The following HERC3 variants were observed in gnomAD, a reference collection of about 807,000 sequenced individuals.
The protein encoded by HERC3 is probable E3 ubiquitin-protein ligase HERC3.
In HERC3, 58 loss-of-function variants were observed where a neutral mutation model predicts 129.9. The observed-to-expected ratio is 0.45, with a 90% CI of 0.36 to 0.56. The LOEUF is 0.56. Ranked by LOEUF, HERC3 falls within the 20% of genes least tolerant of loss-of-function variation. HERC3 has a pLI of 0.00. For missense variants in HERC3, 835 were observed against 1,244.2 expected (o/e 0.67, Z 4.95); for synonymous variants, 430 against 451.0 (o/e 0.95, Z 0.59).
At chr4:88,535,852 C>T in the HERC3 span, among the ~76,000 whole-genome samples, 2 of 152,236 alleles carry the variant, frequency 1.3e-5, no homozygotes, top group African/African-American at 4.8e-5. Flanking sequence ...AACCACAGCA[C>T]TCCTGAAATC....
At chr4:88,575,875 T>G in the HERC3 span, among the ~76,000 whole-genome samples, 2 of 152,210 alleles carry the variant, frequency 1.3e-5, no homozygotes, top group Non-Finnish European at 2.9e-5. Flanking sequence ...ACTGCCTATT[T>G]TCTTAGGCAG....
Position 88,704,535 on chromosome 4 carries a change from G to A in HERC3, c.2869G>A (p.Ala957Thr), listed in dbSNP as rs375910751. Residue 957 changes from alanine to threonine, a missense_variant, in exon 25 of 26, where the codon GCC becomes ACC. Physicochemically the swap from Ala to Thr is moderately conservative, Grantham distance 58 (BLOSUM62 0). Transcript: ENST00000402738. ...ETAIYKGDYS[A>T]THPTVKLFWE... Reference sequence around the variant, plus strand: ...TGCCATCTACAAGGGAGATTACTCGGCCACACATCCCACTGTAAAACTATT... The same window carrying A: ...TGCCATCTACAAGGGAGATTACTCGACCACACATCCCACTGTAAAACTATT... 3.1e-6 allele frequency: 5 copies of A among 1,611,540 alleles called. No homozygotes were observed. The African/African-American group carries it at 5.3e-5, about 17-fold the overall frequency.
At chr4:88,607,928 A>G (rs1432164225) in intron 3 of HERC3, among the ~76,000 whole-genome samples, 1 of 152,234 alleles carries the variant, frequency 6.6e-6, no homozygotes, top group Non-Finnish European at 1.5e-5. Context: ...TCACACTAGC[A>G]TAGGTGTTTG....
intron 23 of HERC3, chr4:88,692,796 C>T: frequency 1.7e-6 from 1 of 585,848 alleles, no homozygotes; most frequent in Non-Finnish European, 2.1e-6. Flanking sequence ...AGCCAGGATT[C>T]AAAGCCAGGT....
chr4:88,590,133 T>A (rs1721624682), upstream of HERC3, among the ~76,000 whole-genome samples: 1 of 151,528 alleles, frequency 6.6e-6, no homozygotes, highest in Non-Finnish European at 1.5e-5. Context: ...CCGGGTGTGG[T>A]GGTGAGCGCC....
chr4:88,655,800 A>T, intron 8 of HERC3, 75 bp from the exon 9 acceptor site: 1 of 1,441,884 alleles, frequency 6.9e-7, no homozygotes, highest in Non-Finnish European at 9.6e-7. Flanking sequence ...CACATGTGGA[A>T]GTTAAAAGTC....
At chr4:88,635,466 A>G (rs1727274171) in intron 3 of HERC3, among the ~76,000 whole-genome samples, 1 of 152,208 alleles carries the variant, frequency 6.6e-6, no homozygotes, top group Middle Eastern at 3.4e-3. Flanking sequence ...AATAATGAAA[A>G]GGAATGAACA....
At chr4:88,667,668 G>A (rs1731187449) in intron 13 of HERC3, among the ~76,000 whole-genome samples, 180 bp downstream of exon 13, 1 of 152,108 alleles carries the variant, frequency 6.6e-6, no homozygotes, top group Admixed American at 6.6e-5. Flanking sequence ...CCTTTCCAAG[G>A]CAATGCCCCT....
At chr4:88,669,237 G>A (rs1288989167) in intron 14 of HERC3, among the ~76,000 whole-genome samples, 1 of 151,976 alleles carries the variant, frequency 6.6e-6, no homozygotes, top group African/African-American at 2.4e-5. Context: ...TTTATTTTTT[G>A]TTGGAGTATT....
the HERC3 span, among the ~76,000 whole-genome samples, chr4:88,532,417 G>T: frequency 3.9e-5 from 6 of 152,154 alleles, no homozygotes; most frequent in Non-Finnish European, 8.8e-5. Flanking sequence ...GAGGGCAGGG[G>T]AGTATATATG....
intron 11 of HERC3, among the ~76,000 whole-genome samples, chr4:88,663,440 A>G (rs1476303909): frequency 6.6e-6 from 1 of 152,200 alleles, no homozygotes; most frequent in Non-Finnish European, 1.5e-5. Context: ...ACACTTTACC[A>G]TTAGTTCTCT....
the HERC3 span, among the ~76,000 whole-genome samples, chr4:88,549,313 CTTT>C: frequency 7.2e-6 from 1 of 139,800 alleles, no homozygotes; most frequent in African/African-American, 2.8e-5. Flanking sequence ...TTAACAGTAA[CTTT>C]TTTTAAAAAA....
At chr4:88,560,543 C>A in the HERC3 span, among the ~76,000 whole-genome samples, 1 of 152,050 alleles carries the variant, frequency 6.6e-6, no homozygotes, top group African/African-American at 2.4e-5. Context: ...GCTTCTATTT[C>A]TTTTTCCTGA....
At chr4:88,681,428 A>G in intron 21 of HERC3, 103 bp downstream of exon 21, 2 of 999,706 alleles carry the variant, frequency 2.0e-6, no homozygotes, top group Non-Finnish European at 3.0e-6. Context: ...AGTTTATTGC[A>G]TCCTGTGGTT....
At chr4:88,605,732 A>T in intron 2 of HERC3, 63 bp from the exon 3 acceptor site, 1 of 919,450 alleles carries the variant, frequency 1.1e-6, no homozygotes, top group Non-Finnish European at 1.6e-6. Flanking sequence ...TACATTCATT[A>T]CTTGATTTTC....
the HERC3 span, among the ~76,000 whole-genome samples, chr4:88,571,432 T>C: frequency 1.6e-4 from 24 of 152,330 alleles, no homozygotes; most frequent in South Asian, 5.0e-3. Context: ...CTAAACTAAG[T>C]AGCAAAAGAA....
chr4:88,594,523 C>G (rs1722125103), intron 1 of HERC3, among the ~76,000 whole-genome samples: 1 of 152,098 alleles, frequency 6.6e-6, no homozygotes, highest in African/African-American at 2.4e-5. Flanking sequence ...GCCACCTTAC[C>G]CTCCAAAGTA....
intron 16 of HERC3, among the ~76,000 whole-genome samples, chr4:88,674,328 A>T (rs1017911565): frequency 6.6e-6 from 1 of 152,170 alleles, no homozygotes; most frequent in African/African-American, 2.4e-5. Context: ...TGTCTGAAAT[A>T]ACTGCATTAC....
rs901668395 is a variant in HERC3, at chr4:88,634,243, G to A, written c.227-15597G>A. 5.3e-5 allele frequency among the ~76,000 whole-genome samples: 8 copies of A among 152,190 alleles called. No individual in the cohort carries two copies. The South Asian group carries it at 6.2e-4, about 12-fold the overall frequency. On this transcript the variant is annotated intron_variant, in intron 3 of 25. Coordinates refer to ENST00000402738, the MANE Select transcript of HERC3 (RefSeq NM_014606.3). Reference sequence around the variant, plus strand: ...ACCCACAGATCAGAAGATCCCACTCGTGAGCCCATGCTACTGGGGCCTTGG... The same window carrying A: ...ACCCACAGATCAGAAGATCCCACTCATGAGCCCATGCTACTGGGGCCTTGG...
Sources: allele counts gnomAD v4.1 joint callset (sites outside exome capture counted in the v4.1 genomes callset), GRCh38; gene constraint gnomAD v4.1.1; transcripts MANE v1.5; gene names NCBI Gene and HGNC (gene_info 2026-07-23, HGNC 2026-07-21).